NFYC: variants seen among roughly 807,000 people sequenced by gnomAD.
NFYC encodes nuclear transcription factor Y subunit gamma.
In NFYC, 25 loss-of-function variants were observed where a neutral mutation model predicts 53.1. The observed-to-expected ratio is 0.47, with a 90% CI of 0.34 to 0.66. The LOEUF (loss-of-function observed/expected upper bound fraction) is 0.66, where lower values mean the gene tolerates loss of function less well. NFYC is among the 30% of genes least tolerant of loss of function. The probability of loss-of-function intolerance (pLI) is 0.01; values close to 1 mark genes in which losing one functional copy is unlikely to be tolerated. For missense variants in NFYC, 260 were observed against 422.7 expected (o/e 0.62, Z 3.38); for synonymous variants, 145 against 152.6 (o/e 0.95, Z 0.37).
chr1:40,749,801 T>C, intron 4 of NFYC, 115 bp downstream of exon 4: 1 of 818,976 alleles, frequency 1.2e-6, no homozygotes, highest in South Asian at 1.6e-5. Context: ...TGTTCTCCTT[T>C]AGGACCAAAG....
intron 1 of NFYC, chr1:40,709,245 T>C (rs1216651994): frequency 1.3e-5 from 2 of 152,204 alleles, no homozygotes; most frequent in South Asian, 2.1e-4. Context: ...CGTGGCTTTG[T>C]GTTCTTAGCC....
Position 40,770,384 on chromosome 1 carries a change from G to C in NFYC, c.889-325G>C. ...GCTGGTACAGTGGTTCGAATTGCTT[G>C]TGTTTGCCACAGAGGAACAGCGTGC... On this transcript the variant is annotated intron_variant, in intron 9 of 9. Coordinates refer to ENST00000447388, the MANE Select transcript of NFYC (RefSeq NM_014223.5). This position sits in a 1 kb window ranked among gnomAD's most constrained non-coding sequence, Gnocchi z 5.3. 1 of 1,539,134 alleles carries C rather than the reference G, an allele frequency of 6.5e-7. No individual in the cohort carries two copies. The highest frequency in any genetic ancestry group is 1.2e-5 in the South Asian group (1 of 83,322).
In NFYC at chr1:40,738,934, C is replaced by T. The variant is rs748664577; in HGVS notation, c.91C>T (p.Arg31Trp). ...SFWPRVMEEI[R>W]NLTVKDFRVQ... is the part of the protein sequence containing the mutation. ...CTGGCCTCGGGTCATGGAAGAAATC[C>T]GGAATTTAACAGTGGTGAGGAAGAA... Residue 31 changes from arginine to tryptophan, a missense_variant, in exon 2 of 10, where the codon CGG (arginine) becomes TGG (tryptophan). By Grantham distance (101) the Arg-to-Trp change is moderately radical. Transcript: ENST00000447388. The T allele has an allele frequency of 6.2e-7, 1 of 1,612,134 alleles. No individual in the cohort carries two copies. Among genetic ancestry groups the T allele is most frequent in the Admixed American group, 1.7e-5 (1 of 60,016 alleles).
At chr1:40,730,697 G>A in intron 1 of NFYC, 1 of 615,398 alleles carries the variant, frequency 1.6e-6, no homozygotes, top group Non-Finnish European at 2.0e-6. Flanking sequence ...AAAGCCTAAG[G>A]GCTGCAAGTC....
intron 1 of NFYC, among the ~76,000 whole-genome samples, chr1:40,718,884 T>C (rs754261729): frequency 6.6e-6 from 1 of 151,666 alleles, no homozygotes; most frequent in Non-Finnish European, 1.5e-5. Flanking sequence ...TGTTTTGTTT[T>C]GTTTTTGAGA....
In NFYC at chr1:40,700,890, A is replaced by G. The variant is rs1236560322; in HGVS notation, c.-9+9023A>G. ...CACGTTAGTGGTCTAGAGTGCTGCC[A>G]TCCTCCCACTGTGTCCCCTTCTCCA... On this transcript the variant is annotated intron_variant, in intron 1 of 9. Coordinates refer to ENST00000447388, the MANE Select transcript of NFYC (RefSeq NM_014223.5). Among the ~76,000 whole-genome samples, 3 of 152,196 alleles carry G rather than the reference A, an allele frequency of 2.0e-5. No individual in the cohort carries two copies. The East Asian group carries it at 5.8e-4, about 29-fold the overall frequency.
intron 1 of NFYC, among the ~76,000 whole-genome samples, chr1:40,737,549 G>A (rs934454367): frequency 2.6e-5 from 4 of 151,730 alleles, no homozygotes; most frequent in African/African-American, 7.3e-5. Flanking sequence ...GGCTGGTCTC[G>A]AACTTTTGAC....
At chr1:40,769,886 A>G (rs1647001681) in intron 9 of NFYC, among the ~76,000 whole-genome samples, 1 of 152,118 alleles carries the variant, frequency 6.6e-6, no homozygotes, top group South Asian at 2.1e-4. Flanking sequence ...CGAGGAGAGA[A>G]TCTTCCCTTT....
At chr1:40,759,810 G>A (rs927154803) in intron 6 of NFYC, among the ~76,000 whole-genome samples, 4 of 152,090 alleles carry the variant, frequency 2.6e-5, no homozygotes, top group Non-Finnish European at 5.9e-5. Flanking sequence ...AACAGTACAG[G>A]GGGCCGTAGG....
intron 7 of NFYC, among the ~76,000 whole-genome samples, chr1:40,764,821 A>G (rs1646735571): frequency 6.6e-6 from 1 of 152,214 alleles, no homozygotes; most frequent in South Asian, 2.1e-4. Flanking sequence ...CTGTAGAGGA[A>G]TGAGGGACGG....
intron 7 of NFYC, chr1:40,763,367 C>T: frequency 4.4e-6 from 2 of 455,264 alleles, no homozygotes; most frequent in Non-Finnish European, 8.8e-6. Context: ...TTTTAGGAGA[C>T]AGGTCTTGCT....
At chr1:40,738,224 G>A (rs530105975) in intron 1 of NFYC, among the ~76,000 whole-genome samples, 47 of 152,158 alleles carry the variant, frequency 3.1e-4, no homozygotes, top group Admixed American at 3.0e-3. Flanking sequence ...TTAAGAGACA[G>A]ACGCTTGCTA....
At chr1:40,763,779 C>T (rs1003676137) in intron 7 of NFYC, among the ~76,000 whole-genome samples, 3 of 152,208 alleles carry the variant, frequency 2.0e-5, no homozygotes, top group Non-Finnish European at 4.4e-5. Context: ...AGGTTCACCA[C>T]GATTGGGCGG....
intron 6 of NFYC, among the ~76,000 whole-genome samples, chr1:40,759,020 A>T (rs1646385706): frequency 6.6e-6 from 1 of 152,210 alleles, no homozygotes; most frequent in Non-Finnish European, 1.5e-5. Context: ...GGATACAAAT[A>T]CTTAAAGGTT....
intron 1 of NFYC, among the ~76,000 whole-genome samples, chr1:40,704,363 G>A (rs1377512485): frequency 1.3e-5 from 2 of 152,156 alleles, no homozygotes; most frequent in African/African-American, 2.4e-5. Context: ...GAGCCACAGC[G>A]CCCAGCCTGA....
intron 1 of NFYC, among the ~76,000 whole-genome samples, chr1:40,716,183 T>C (rs1158355693): frequency 6.6e-6 from 1 of 152,140 alleles, no homozygotes; most frequent in African/African-American, 2.4e-5. Context: ...ACAAATAAAA[T>C]TTTACTCTGA....
intron 1 of NFYC, among the ~76,000 whole-genome samples, chr1:40,720,369 T>G (rs1452522480): frequency 1.3e-5 from 2 of 152,098 alleles, no homozygotes; most frequent in East Asian, 3.8e-4. Context: ...CAGCACAATC[T>G]CCCATTTTTC....
intron 1 of NFYC, 63 bp from the exon 2 acceptor site, chr1:40,738,773 A>G: frequency 8.4e-7 from 1 of 1,191,050 alleles, no homozygotes; most frequent in East Asian, 2.3e-5. Context: ...ACAAATGCCT[A>G]ATCTGGACAG....
At chr1:40,713,075 T>A (rs1643994688) in intron 1 of NFYC, among the ~76,000 whole-genome samples, 1 of 152,178 alleles carries the variant, frequency 6.6e-6, no homozygotes. Flanking sequence ...TAACATAAAT[T>A]TCACACAGTT....
Sources: gnomAD v4.1 joint callset for allele counts (sites outside exome capture counted in the v4.1 genomes callset) on GRCh38, gnomAD v4.1.1 for gene constraint, Gnocchi (gnomAD v3.1) non-coding constraint, MANE v1.5 for transcripts, NCBI Gene and HGNC (gene_info 2026-07-23, HGNC 2026-07-21) for gene names.